Variants in EPS8 observed in about 807,000 individuals in gnomAD.
The protein encoded by EPS8 is EGFR pathway substrate 8, signaling adaptor, also known as epidermal growth factor receptor kinase substrate 8.
In EPS8, 42 loss-of-function variants were observed where a neutral mutation model predicts 103.8. The ratio of observed to expected loss-of-function variants is 0.40; its 90% CI spans 0.32 to 0.52. The LOEUF (loss-of-function observed/expected upper bound fraction) is 0.52, where lower values mean the gene tolerates loss of function less well. Among genes scored for constraint, EPS8 ranks in the 20% least tolerant of loss-of-function variants. The pLI is 0.40. For synonymous variants in EPS8, 344 were observed against 344.6 expected (o/e 1.00, Z 0.02); for missense variants, 969 against 1,005.1 (o/e 0.96, Z 0.49).
At chr12:15,766,715 A>G (rs1947102846) in intron 1 of EPS8, among the ~76,000 whole-genome samples, 2 of 152,012 alleles carry the variant, frequency 1.3e-5, no homozygotes, top group Admixed American at 1.3e-4. Flanking sequence ...AGAAAAAAAG[A>G]ATATAATAAT....
intron 15 of EPS8, among the ~76,000 whole-genome samples, chr12:15,644,000 A>T (rs1395349598): frequency 1.3e-5 from 2 of 152,254 alleles, no homozygotes; most frequent in African/African-American, 4.8e-5. Context: ...AGAACAGTGA[A>T]TATACTTCGT....
At chr12:15,783,587 AATCCTTTATTCCAG>A (rs1947281427) in intron 1 of EPS8, among the ~76,000 whole-genome samples, 1 of 152,166 alleles carries the variant, frequency 6.6e-6, no homozygotes, top group African/African-American at 2.4e-5. Context: ...ACACCCTGCA[AATCCTTTATTCCAG>A]ATCCTTTTTG....
intron 20 of EPS8, among the ~76,000 whole-genome samples, chr12:15,622,398 T>A (rs1191451895): frequency 6.6e-6 from 1 of 152,180 alleles, no homozygotes; most frequent in African/African-American, 2.4e-5. Context: ...TTACCCTGAA[T>A]TATTTAACTG....
At chr12:15,633,725 T>C (rs1391581393) in intron 17 of EPS8, among the ~76,000 whole-genome samples, 1 of 152,210 alleles carries the variant, frequency 6.6e-6, no homozygotes, top group Non-Finnish European at 1.5e-5. Context: ...TTTTCCTCTT[T>C]CCTTAGTCCT....
At position 15,623,192 on chromosome 12, in the gene EPS8, T is replaced by C. The variant is rs773840721; in HGVS notation, c.2321A>G (p.Tyr774Cys). 5 of 1,612,442 alleles carry C rather than the reference T, an allele frequency of 3.1e-6. No individual in the cohort carries two copies. The highest frequency in any genetic ancestry group is 3.3e-5 in the Admixed American group (2 of 59,736). ...RTVCPEGARV[Y>C]SQITVQKAAL... is the part of the protein sequence containing the mutation. Reference sequence around the variant, plus strand: ...AGCTTTTTGTACAGTGATTTGGCTATAGACTCTCGCCCCTTCAGGGCAGAC... The same window carrying C: ...AGCTTTTTGTACAGTGATTTGGCTACAGACTCTCGCCCCTTCAGGGCAGAC... The change falls in exon 20 of 21, where the codon TAT becomes TGT. Residue 774 changes from tyrosine (Y) to cysteine (C), a missense_variant. By Grantham distance (194) the Tyr-to-Cys change is radical. Transcript: ENST00000281172.
intron 1 of EPS8, among the ~76,000 whole-genome samples, chr12:15,753,433 A>T (rs1456975049): frequency 2.0e-5 from 3 of 152,180 alleles, no homozygotes; most frequent in Admixed American, 6.5e-5. Flanking sequence ...TTGAGACTGG[A>T]CAAATCGTAA....
At chr12:15,665,923 A>G (rs1342250057) in intron 7 of EPS8, 31 bp from the exon 8 acceptor site, 1 of 1,607,172 alleles carries the variant, frequency 6.2e-7, no homozygotes. Flanking sequence ...TAGAATTTTT[A>G]CCATCTCTAT....
chr12:15,689,265 G>A (rs1187898722), intron 1 of EPS8, among the ~76,000 whole-genome samples: 3 of 151,710 alleles, frequency 2.0e-5, no homozygotes, highest in African/African-American at 7.3e-5. Context: ...CTTAAAATAA[G>A]GTATTAAAAA....
rs781353081 is a variant in EPS8 at position 15,682,924 on chromosome 12, T to C, written c.28A>G (p.Ser10Gly). The stretch of plus-strand genomic sequence containing the variant: ...TGAGATGGGTACATTCCAAAACTAC[T>C]GGGATGATTAGAAATATGACCATTC... MNGHISNHP[S>G]SFGMYPSQMN... Residue 10 changes from serine (S) to glycine (G), a missense_variant, in exon 2 of 21, where the codon AGT (serine) becomes GGT (glycine). Physicochemically the swap from Ser to Gly is moderately conservative, Grantham distance 56. Coordinates refer to ENST00000281172, the MANE Select transcript of EPS8 (RefSeq NM_004447.6). 1.3e-5 allele frequency: 21 copies of C among 1,586,002 alleles called. No individual in the cohort carries two copies. The highest frequency in any genetic ancestry group is 1.8e-5 in the Non-Finnish European group (21 of 1,163,458).
chr12:15,773,421 T>C (rs1328517784), intron 1 of EPS8, among the ~76,000 whole-genome samples: 1 of 152,050 alleles, frequency 6.6e-6, no homozygotes, highest in Non-Finnish European at 1.5e-5. Flanking sequence ...AAGGAGGAAA[T>C]GAATGGGGAT....
At chr12:15,642,719 G>C (rs1353318981) in intron 15 of EPS8, among the ~76,000 whole-genome samples, 2 of 152,112 alleles carry the variant, frequency 1.3e-5, no homozygotes, top group African/African-American at 2.4e-5. Flanking sequence ...AGCAGGTAGA[G>C]ACTAAAGATG....
At chr12:15,786,149 G>A (rs184146729) in intron 1 of EPS8, among the ~76,000 whole-genome samples, 6 of 152,082 alleles carry the variant, frequency 3.9e-5, no homozygotes, top group Admixed American at 1.3e-4. Flanking sequence ...GGAAAAATCT[G>A]ATAAACACTA....
chr12:15,737,916 C>T (rs979828571), intron 1 of EPS8, among the ~76,000 whole-genome samples: 9 of 151,894 alleles, frequency 5.9e-5, no homozygotes, highest in African/African-American at 2.2e-4. Context: ...TTTGTAAGTA[C>T]ATGAAAAACT....
rs890828912 is a variant in EPS8 at position 15,725,717 on chromosome 12, A to G, written c.-21-42745T>C. 6.6e-6 allele frequency among the ~76,000 whole-genome samples: 1 copy of G among 152,166 alleles called. No individual in the cohort carries two copies. The highest frequency in any genetic ancestry group is 1.5e-5 in the Non-Finnish European group (1 of 68,032). On this transcript the variant is annotated intron_variant, in intron 1 of 20. Coordinates refer to ENST00000281172, the MANE Select transcript of EPS8 (RefSeq NM_004447.6). This position sits in a 1 kb window ranked among gnomAD's most constrained non-coding sequence, Gnocchi z 4.5. ...AATCCTGACTCATCATCATCAAATA[A>G]CAGAGAAATGAACAAAAAGATGGAA...
intron 1 of EPS8, among the ~76,000 whole-genome samples, chr12:15,753,935 A>G (rs1591921166): frequency 6.6e-6 from 1 of 152,394 alleles, no homozygotes; most frequent in East Asian, 1.9e-4. Flanking sequence ...ATGCAAGGAA[A>G]GGGACAGCTG....
intron 17 of EPS8, chr12:15,631,872 G>A: frequency 2.1e-6 from 1 of 469,306 alleles, no homozygotes; most frequent in Non-Finnish European, 3.8e-6. Context: ...CAAAACATTA[G>A]TTAAGGAGTC....
At chr12:15,628,430 C>T (rs1009254871) in intron 18 of EPS8, among the ~76,000 whole-genome samples, 5 of 152,062 alleles carry the variant, frequency 3.3e-5, no homozygotes, top group Admixed American at 1.3e-4. Flanking sequence ...CAACAGCAAA[C>T]CAGAATAACT....
At chr12:15,669,256 G>A (rs1434449200) in intron 6 of EPS8, 131 bp downstream of exon 6, 21 of 712,862 alleles carry the variant, frequency 2.9e-5, no homozygotes, top group Non-Finnish European at 4.2e-5. Context: ...TAAGGTATTT[G>A]TTTTCCTTAC....
intron 12 of EPS8, among the ~76,000 whole-genome samples, chr12:15,657,330 C>G (rs1452304308): frequency 6.6e-6 from 1 of 152,166 alleles, no homozygotes; most frequent in African/African-American, 2.4e-5. Flanking sequence ...TTCCTTTAAC[C>G]AACCCTACTC....
Sources: allele counts gnomAD v4.1 joint callset (sites outside exome capture counted in the v4.1 genomes callset), GRCh38; gene constraint gnomAD v4.1.1; non-coding constraint Gnocchi (gnomAD v3.1); transcripts MANE v1.5; gene names NCBI Gene and HGNC (gene_info 2026-07-23, HGNC 2026-07-21).